Variants in CCSAP observed in about 807,000 individuals in gnomAD.
CCSAP encodes the protein centriole, cilia and spindle associated protein, also known as centriole, cilia and spindle-associated protein.
Under a neutral mutation model 25.9 loss-of-function variants are expected in CCSAP, and 17 were observed. That is an observed-to-expected ratio of 0.66 (90% confidence interval 0.45 to 0.99). The LOEUF (loss-of-function observed/expected upper bound fraction) is 0.99. Among genes scored for constraint, CCSAP ranks in the 50% least tolerant of loss-of-function variants. The probability of loss-of-function intolerance (pLI) is 0.00; values close to 1 mark genes in which losing one functional copy is unlikely to be tolerated. For missense variants in CCSAP, 339 were observed against 367.8 expected, an observed-to-expected ratio of 0.92 and a Z score of 0.64; for synonymous variants, 169 against 157.1, an observed-to-expected ratio of 1.08 and a Z score of -0.57.
intron 2 of CCSAP, among the ~76,000 whole-genome samples, chr1:229,334,068 T>G (rs1408746369): frequency 1.3e-5 from 2 of 152,108 alleles, no homozygotes; most frequent in Non-Finnish European, 2.9e-5. Context: ...CATTAGGTTT[T>G]TTTGTTTGTT....
At chr1:229,335,455 A>G (rs923250547) in intron 2 of CCSAP, among the ~76,000 whole-genome samples, 17 of 152,160 alleles carry the variant, frequency 1.1e-4, no homozygotes, top group African/African-American at 3.9e-4. Context: ...TATAATATGG[A>G]CGTGCTCTGT....
At chr1:229,335,243 C>CAGG (rs1658169374) in intron 2 of CCSAP, among the ~76,000 whole-genome samples, 1 of 152,100 alleles carries the variant, frequency 6.6e-6, no homozygotes. Context: ...TGCTTGAACC[C>CAGG]AGGAGGTCAA....
chr1:229,330,396 C>G (rs1374643992), intron 2 of CCSAP, among the ~76,000 whole-genome samples: 1 of 152,142 alleles, frequency 6.6e-6, no homozygotes, highest in African/African-American at 2.4e-5. Flanking sequence ...AGAAGAAACA[C>G]AGAGCCGGAA....
intron 2 of CCSAP, chr1:229,327,258 C>T (rs1362364832): frequency 2.2e-5 from 8 of 360,758 alleles, no homozygotes; most frequent in East Asian, 1.9e-4. Context: ...ACTGCTACTC[C>T]GATTCTGAGA....
intron 3 of CCSAP, among the ~76,000 whole-genome samples, chr1:229,325,895 T>G (rs1431675960): frequency 6.6e-6 from 1 of 152,248 alleles, no homozygotes; most frequent in Non-Finnish European, 1.5e-5. Context: ...CACGGACTTC[T>G]TAGAGATCTT....
chr1:229,329,488 T>C (rs1658019520), intron 2 of CCSAP, among the ~76,000 whole-genome samples: 5 of 152,220 alleles, frequency 3.3e-5, no homozygotes, highest in Admixed American at 3.3e-4. Context: ...TATGCCAAAC[T>C]CAGGCATTTT....
intron 2 of CCSAP, among the ~76,000 whole-genome samples, chr1:229,337,729 A>ATATG (rs1553305178): frequency 7.6e-6 from 1 of 132,236 alleles, no homozygotes; most frequent in Non-Finnish European, 1.6e-5. Flanking sequence ...GTATATATAT[A>ATATG]TGTGTGTGTG....
intron 2 of CCSAP, among the ~76,000 whole-genome samples, chr1:229,338,114 A>T (rs1174452210): frequency 6.6e-6 from 1 of 152,194 alleles, no homozygotes; most frequent in African/African-American, 2.4e-5. Context: ...TATTGTGGGG[A>T]TATGGAGAAG....
intron 2 of CCSAP, chr1:229,340,615 T>A (rs980689038): frequency 5.6e-6 from 3 of 531,060 alleles, no homozygotes; most frequent in African/African-American, 3.9e-5. Flanking sequence ...CCACCTTCTG[T>A]TATTTGCATT....
intron 2 of CCSAP, chr1:229,340,689 G>A (rs757069056): frequency 1.3e-5 from 5 of 394,612 alleles, no homozygotes; most frequent in Non-Finnish European, 2.2e-5. Flanking sequence ...ATGATGGGAG[G>A]AGGCAGCCCT....
At position 229,342,071 on chromosome 1, in the gene CCSAP, C is replaced by A; in HGVS notation, c.367+28G>T. The stretch of plus-strand genomic sequence containing the variant: ...GAGCAAACCGTCCCTGCGTGCAGGC[C>A]CCTCGCGCTCCCCTCCGGGCCGGGT... On this transcript the variant is annotated intron_variant, in intron 2 of 3. Transcript: ENST00000284617. The surrounding 1 kb of genome is among the most constrained non-coding windows in gnomAD (Gnocchi z 7.5). 2 of 1,319,412 alleles carry A rather than the reference C, an allele frequency of 1.5e-6. No homozygotes were observed. 81.7% of individuals were successfully genotyped at this position (1,319,412 alleles called of 1,614,324 possible).
chr1:229,325,444 T>C (rs749211088), intron 3 of CCSAP, 33 bp from the exon 4 acceptor site: 1 of 1,591,906 alleles, frequency 6.3e-7, no homozygotes, highest in East Asian at 2.2e-5. Flanking sequence ...GATAGTAACT[T>C]AAGGGGCTAT....
At chr1:229,332,833 T>C (rs1203281798) in intron 2 of CCSAP, among the ~76,000 whole-genome samples, 2 of 152,154 alleles carry the variant, frequency 1.3e-5, no homozygotes. Context: ...ACAGCGCAAA[T>C]GGAGAACACG....
chr1:229,328,150 G>T (rs1272496584), intron 2 of CCSAP, among the ~76,000 whole-genome samples: 1 of 152,154 alleles, frequency 6.6e-6, no homozygotes, highest in Non-Finnish European at 1.5e-5. Context: ...TAAACACTTT[G>T]TGAGCCTGTG....
chr1:229,329,414 CAT>C (rs1459157695), intron 2 of CCSAP, among the ~76,000 whole-genome samples: 1 of 152,138 alleles, frequency 6.6e-6, no homozygotes, highest in East Asian at 1.9e-4. Flanking sequence ...ATAGCAAGAA[CAT>C]AGAGTCTATG....
rs1018013214 is a variant in CCSAP, at chr1:229,342,640, G to T, written c.-48-127C>A. 7.5e-6 allele frequency: 3 copies of T among 398,838 alleles called. No individual in the cohort carries two copies. Among genetic ancestry groups the T allele is most frequent in the African/African-American group, 6.2e-5 (3 of 48,046 alleles). The allele number at this position is 398,838 out of a possible 1,614,324, so 24.7% of individuals were successfully genotyped here. A position where few individuals can be genotyped will look rare whatever the true frequency, so the allele number is the denominator to read the frequency against. On this transcript the variant is annotated intron_variant, in intron 1 of 3. Transcript: ENST00000284617. This position sits in a 1 kb window ranked among gnomAD's most constrained non-coding sequence, Gnocchi z 7.5. ...GCGGGTCCCGGCGAGGGCGGGGAGG[G>T]GGCGGGGCGGGGGCGGCCTCACCCG...
Position 229,325,276 on chromosome 1 carries a change from A to C in CCSAP, c.772T>G (p.Trp258Gly). 1 of 1,614,034 alleles carries C rather than the reference A, an allele frequency of 6.2e-7. No individual in the cohort carries two copies. The highest frequency in any genetic ancestry group is 8.5e-7 in the Non-Finnish European group (1 of 1,179,986). Residue 258 changes from tryptophan to glycine, a missense_variant, in exon 4 of 4, where the codon TGG becomes GGG. Coordinates refer to ENST00000284617, the MANE Select transcript of CCSAP (RefSeq NM_145257.5). ...TAGCACCTCATGTATTCTGTCATCC[A>C]CGGGTTCTCTGAGGAGGAAGCCTTC... ...KMKASSSENP[W>G]MTEYMRCYSA...
chr1:229,333,189 T>C (rs1469156685), intron 2 of CCSAP, among the ~76,000 whole-genome samples: 1 of 152,114 alleles, frequency 6.6e-6, no homozygotes, highest in Non-Finnish European at 1.5e-5. Flanking sequence ...TCCCAGCACT[T>C]TGGGAGGCCA....
At position 229,325,421 on chromosome 1, in the gene CCSAP, G is replaced by A. The variant is rs1657917796; in HGVS notation, c.637-10C>T. On this transcript the variant is annotated splice_polypyrimidine_tract_variant and intron_variant, in intron 3 of 3. Coordinates refer to ENST00000284617, the MANE Select transcript of CCSAP (RefSeq NM_145257.5). ...ATGCTGATTCATGAATCTAAAGAGA[G>A]TTCAAAATAAAGGATAGTAACTTAA... is the stretch of plus-strand genomic sequence containing the variant. 6.2e-7 allele frequency: 1 copy of A among 1,608,100 alleles called. No homozygotes were observed. The highest frequency in any genetic ancestry group is 8.5e-7 in the Non-Finnish European group (1 of 1,178,300).
Sources: allele counts gnomAD v4.1 joint callset (sites outside exome capture counted in the v4.1 genomes callset), GRCh38; gene constraint gnomAD v4.1.1; non-coding constraint Gnocchi (gnomAD v3.1); transcripts MANE v1.5; gene names NCBI Gene and HGNC (gene_info 2026-07-23, HGNC 2026-07-21).